The following EIF4A1 variants were observed in gnomAD, a reference collection of about 807,000 sequenced individuals.
EIF4A1 encodes the protein eukaryotic translation initiation factor 4A1, also known as eukaryotic initiation factor 4A-I.
A neutral mutation model predicts 53.5 loss-of-function variants in EIF4A1; 11 were observed. The observed-to-expected ratio is 0.21, with a 90% confidence interval of 0.13 to 0.34. The LOEUF (loss-of-function observed/expected upper bound fraction) is 0.34, where lower values mean the gene tolerates loss of function less well. EIF4A1 is among the 10% of genes least tolerant of loss of function. EIF4A1 has a pLI of 1.00. For missense variants in EIF4A1, 213 were observed against 530.8 expected, an observed-to-expected ratio of 0.40 and a Z score of 5.88; for synonymous variants, 237 against 186.7, an observed-to-expected ratio of 1.27 and a Z score of -2.20.
At chr17:7,576,419 C>T (rs913678868) in intron 4 of EIF4A1, 105 bp from the exon 5 acceptor site, 4 of 1,398,688 alleles carry the variant, frequency 2.9e-6, no homozygotes, top group East Asian at 2.5e-5. Context: ...AATAATAGTG[C>T]ATGCCCCAAA....
In EIF4A1 at chr17:7,572,849, C is replaced by G; in HGVS notation, c.8C>G (p.Ala3Gly). MS[A>G]SQDSRSRDNG... ...CCCTAGTTTCTAAGGATCATGTCTG[C>G]GAGCCAGGATTCCCGGTAAGAAAGG... Residue 3 changes from alanine to glycine, a missense_variant, in exon 1 of 11, where the codon GCG (alanine) becomes GGG (glycine). Transcript: ENST00000293831. The G allele has an allele frequency of 6.2e-7, 1 of 1,614,164 alleles. No homozygotes were observed. Among genetic ancestry groups the G allele is most frequent in the South Asian group, 1.1e-5 (1 of 91,092 alleles).
chr17:7,575,570 TAGTC>T (rs1338796932), intron 4 of EIF4A1: 1 of 456,024 alleles, frequency 2.2e-6, no homozygotes, highest in East Asian at 4.7e-5. Flanking sequence ...GATCTTACAG[TAGTC>T]AGAGCAGATG....
chr17:7,574,024 G>A lies in EIF4A1; in HGVS notation c.24-236G>A. 9.1e-6 allele frequency: 5 copies of A among 546,600 alleles called. No homozygotes were observed. The South Asian group carries it at 1.2e-4, about 13-fold the overall frequency. 33.9% of individuals were successfully genotyped at this position (546,600 alleles called of 1,614,324 possible). On this transcript the variant is annotated intron_variant, in intron 1 of 10. Coordinates refer to ENST00000293831, the MANE Select transcript of EIF4A1 (RefSeq NM_001416.4). ...CGGCACGCCTGCCGGCCTGTCTTCA[G>A]AAAGGGTCACCCCCTTATGTCGGGG...
At chr17:7,574,151 G>A in intron 1 of EIF4A1, 109 bp from the exon 2 acceptor site, 1 of 1,285,644 alleles carries the variant, frequency 7.8e-7, no homozygotes, top group African/African-American at 1.5e-5. Context: ...TTGGATCTGG[G>A]ACAGCAGATT....
intron 4 of EIF4A1, chr17:7,575,769 TC>T: frequency 4.1e-6 from 1 of 241,800 alleles, no homozygotes; most frequent in East Asian, 9.6e-5. Flanking sequence ...ACAGCAGAGC[TC>T]CATTCTAAGG....
intron 1 of EIF4A1, chr17:7,573,960 C>T (rs1420730991): frequency 2.5e-6 from 1 of 407,402 alleles, no homozygotes; most frequent in Non-Finnish European, 4.5e-6. Flanking sequence ...CCCACGTGGA[C>T]CCGGCGGCAA....
At chr17:7,576,429 A>T in intron 4 of EIF4A1, 95 bp from the exon 5 acceptor site, 1 of 1,454,704 alleles carries the variant, frequency 6.9e-7, no homozygotes, top group Non-Finnish European at 9.1e-7. Flanking sequence ...CATGCCCCAA[A>T]GTTGTTGGTT....
intron 2 of EIF4A1, 45 bp from the exon 3 acceptor site, chr17:7,574,500 TC>T (rs780985777): frequency 1.1e-4 from 178 of 1,612,108 alleles, no homozygotes; most frequent in Middle Eastern, 1.7e-4. Flanking sequence ...ACAGCTCAGC[TC>T]CACCTTTTCC....
chr17:7,577,505 A>AGG lies in EIF4A1; in HGVS notation c.768+19_768+20dup, dbSNP rs2071417638. The AGG allele has an allele frequency of 6.2e-7, 1 of 1,613,696 alleles. No individual in the cohort carries two copies. The highest frequency in any genetic ancestry group is 8.5e-7 in the Non-Finnish European group (1 of 1,179,882). ...AACGAGAGGTGGGGCCCAGTGCAGG[A>AGG]GGCGGGCCTGGTAGTGAGTTGTTGG... On this transcript the variant is annotated intron_variant, in intron 7 of 10. Transcript: ENST00000293831. This position sits in a 1 kb window ranked among gnomAD's most constrained non-coding sequence, Gnocchi z 4.7.
chr17:7,578,301 T>G (rs373685609), intron 10 of EIF4A1, 41 bp from the exon 11 acceptor site: 1 of 1,610,556 alleles, frequency 6.2e-7, no homozygotes, highest in Non-Finnish European at 8.5e-7. Flanking sequence ...TCCCTGGGCT[T>G]AAAGCTCCTG....
rs1369477585 is a variant in EIF4A1, at chr17:7,578,580, A to G, written c.*94A>G. ...GAGGGAAGGGAGCCAAGGGATGGAC[A>G]TCTTGTCATTTTTTTTCTTTGAATA... On this transcript the variant is annotated 3_prime_UTR_variant, in exon 11 of 11. Coordinates refer to ENST00000293831, the MANE Select transcript of EIF4A1 (RefSeq NM_001416.4). The G allele has an allele frequency of 7.3e-6, 10 of 1,368,322 alleles. No individual in the cohort carries two copies. The highest frequency in any genetic ancestry group is 8.6e-6 in the Non-Finnish European group (9 of 1,046,352). 84.8% of individuals were successfully genotyped at this position (1,368,322 alleles called of 1,614,324 possible).
In EIF4A1 at chr17:7,574,681, G is replaced by T. The variant is rs1420377473; in HGVS notation, c.205+3G>T. On this transcript the variant is annotated splice_donor_region_variant and intron_variant, in intron 3 of 10. Coordinates refer to ENST00000293831, the MANE Select transcript of EIF4A1 (RefSeq NM_001416.4). The stretch of plus-strand genomic sequence containing the variant: ...AGCCATTCTACCTTGTATCAAGGGT[G>T]AGACCTCTCAGTCCCAGAAGACATT... 1 of 1,612,408 alleles carries T rather than the reference G, an allele frequency of 6.2e-7. No individual in the cohort carries two copies. The highest frequency in any genetic ancestry group is 8.5e-7 in the Non-Finnish European group (1 of 1,180,022).
At chr17:7,574,998 G>A in intron 3 of EIF4A1, 121 bp from the exon 4 acceptor site, 1 of 1,355,970 alleles carries the variant, frequency 7.4e-7, no homozygotes, top group Non-Finnish European at 1.0e-6. Context: ...GATTGGGAAG[G>A]TAGTTTGTGA....
Position 7,577,492 on chromosome 17 carries a change from G to A in EIF4A1, c.768+5G>A, listed in dbSNP as rs1284537438. The A allele has an allele frequency of 2.5e-6, 4 of 1,614,084 alleles. No homozygotes were observed. The highest frequency in any genetic ancestry group is 3.4e-6 in the Non-Finnish European group (4 of 1,179,988). Reference sequence around the variant, plus strand: ...TACATCAACGTGGAACGAGAGGTGGGGCCCAGTGCAGGAGGCGGGCCTGGT... The same window carrying A: ...TACATCAACGTGGAACGAGAGGTGGAGCCCAGTGCAGGAGGCGGGCCTGGT... On this transcript the variant is annotated splice_donor_5th_base_variant and intron_variant, in intron 7 of 10. Coordinates refer to ENST00000293831, the MANE Select transcript of EIF4A1 (RefSeq NM_001416.4). This position sits in a 1 kb window ranked among gnomAD's most constrained non-coding sequence, Gnocchi z 4.7.
At chr17:7,575,784 T>C (rs1314529367) in intron 4 of EIF4A1, 5 of 225,674 alleles carry the variant, frequency 2.2e-5, no homozygotes, top group Non-Finnish European at 4.5e-5. Flanking sequence ...TCTAAGGCAC[T>C]TGGCTCTCAG....
In EIF4A1 at chr17:7,575,284, TC is replaced by T. The variant is rs777095960; in HGVS notation, c.345+27del. On this transcript the variant is annotated intron_variant, in intron 4 of 10. Transcript: ENST00000293831. ...GTAAGAGTGGCTTCTATTCCCTCCT[TC>T]AGGGCTGATTTAGGGATGATGAGTA... The T allele has an allele frequency of 8.3e-5, 134 of 1,613,444 alleles. No homozygotes were observed. The East Asian group carries it at 2.8e-3, about 34-fold the overall frequency.
intron 4 of EIF4A1, 198 bp downstream of exon 4, chr17:7,575,456 C>A: frequency 2.3e-6 from 2 of 867,828 alleles, no homozygotes; most frequent in South Asian, 1.5e-5. Context: ...TTTCCTGAGT[C>A]AAATGGGAAA....
At chr17:7,573,102 C>A in intron 1 of EIF4A1, 2 of 634,926 alleles carry the variant, frequency 3.1e-6, no homozygotes, top group Non-Finnish European at 5.4e-6. Context: ...TACGAGGCCT[C>A]GACCCGAGGC....
chr17:7,577,351 T>C lies in EIF4A1; in HGVS notation c.632T>C (p.Leu211Ser). The C allele has an allele frequency of 6.2e-7, 1 of 1,614,088 alleles. No individual in the cohort carries two copies. Among genetic ancestry groups the C allele is most frequent in the Non-Finnish European group, 8.5e-7 (1 of 1,180,018 alleles). Residue 211 changes from leucine (L) to serine (S), a missense_variant, in exon 7 of 11, where the codon TTG becomes TCG. Transcript: ENST00000293831. The surrounding 1 kb of genome is among the most constrained non-coding windows in gnomAD (Gnocchi z 4.7). ...QKLNSNTQVVLLSATMPSDVL... is the reference protein window; with the variant it reads ...QKLNSNTQVVSLSATMPSDVL... ...GGCCTTTTTTTCCACTAGGTAGTTT[T>C]GCTGTCAGCCACAATGCCTTCTGAT...
Sources: allele counts gnomAD v4.1 joint callset, GRCh38; gene constraint gnomAD v4.1.1; non-coding constraint Gnocchi (gnomAD v3.1); transcripts MANE v1.5; gene names NCBI Gene and HGNC (gene_info 2026-07-23, HGNC 2026-07-21).